CLASRP: variants seen among roughly 807,000 people sequenced by gnomAD.
CLASRP encodes CLK4 associating serine/arginine rich protein, also known as CLK4-associating serine/arginine rich protein.
In CLASRP, 52 loss-of-function variants were observed where a neutral mutation model predicts 99.9. That is an observed-to-expected ratio of 0.52 (90% CI 0.42 to 0.66). CLASRP has a LOEUF of 0.66. CLASRP is among the 30% of genes least tolerant of loss of function. The probability of loss-of-function intolerance (pLI) is 0.00; values close to 1 mark genes in which losing one functional copy is unlikely to be tolerated. For missense variants in CLASRP, 848 were observed against 999.2 expected (o/e 0.85, Z 2.04); for synonymous variants, 379 against 373.0 (o/e 1.02, Z -0.18).
intron 6 of CLASRP, among the ~76,000 whole-genome samples, chr19:45,056,812 G>T (rs1375390493): frequency 1.3e-5 from 2 of 152,220 alleles, no homozygotes; most frequent in African/African-American, 4.8e-5. Context: ...TGGCTGTGAG[G>T]CCCTGAGTGG....
chr19:45,064,054 C>T lies in CLASRP; in HGVS notation c.948C>T (p.Arg316=), dbSNP rs754818077. Reference sequence around the variant, plus strand: ...GCTCAGAGTCCCGCTCCCGCTCCCGCTCCCCGACCCCGGGCCGCGAGGAGA... The same window carrying T: ...GCTCAGAGTCCCGCTCCCGCTCCCGTTCCCCGACCCCGGGCCGCGAGGAGA... ...ESSSESRSRS[R]SPTPGREEKI... Residue 316 remains arginine (R), a synonymous_variant, in exon 12 of 21, where the codon CGC becomes CGT. Coordinates refer to ENST00000221455, the MANE Select transcript of CLASRP (RefSeq NM_007056.3). The T allele has an allele frequency of 6.2e-6, 10 of 1,612,558 alleles. 1 individual carries two copies. In the South Asian group the frequency reaches 9.9e-5, roughly 16 times the overall value.
At chr19:45,050,871 C>T (rs893980083) in intron 2 of CLASRP, among the ~76,000 whole-genome samples, 8 of 151,834 alleles carry the variant, frequency 5.3e-5, no homozygotes, top group African/African-American at 1.9e-4. Context: ...CGCCTGCCAC[C>T]ATGGCTGGCT....
Position 45,070,849 on chromosome 19 carries a change from G to C in CLASRP, c.*4G>C. The C allele has an allele frequency of 7.4e-7, 1 of 1,346,662 alleles. No homozygotes were observed. Among genetic ancestry groups the C allele is most frequent in the Non-Finnish European group, 1.0e-6 (1 of 967,034 alleles). 83.4% of individuals were successfully genotyped at this position (1,346,662 alleles called of 1,614,324 possible). Reference sequence around the variant, plus strand: ...AAGCCCCCATTACCGACATTAGGCAGAAGAGTGGGGGGTGGGGAGGACAAG... The same window carrying C: ...AAGCCCCCATTACCGACATTAGGCACAAGAGTGGGGGGTGGGGAGGACAAG... On this transcript the variant is annotated 3_prime_UTR_variant, in exon 21 of 21. Coordinates refer to ENST00000221455, the MANE Select transcript of CLASRP (RefSeq NM_007056.3).
rs527367247 is a variant in CLASRP at position 45,042,511 on chromosome 19, T to TTA, written c.99+2216_99+2217dup. Among the ~76,000 whole-genome samples the TTA allele has an allele frequency of 6.3e-3, 943 of 148,556 alleles. 4 individuals carry two copies. Among genetic ancestry groups the TTA allele is most frequent in the Middle Eastern group, 0.021 (6 of 290 alleles). The stretch of plus-strand genomic sequence containing the variant: ...TGAGACTCCATCTCAAAAAAAAAAT[T>TTA]TATATATATATATATATGTGTGTGT... On this transcript the variant is annotated intron_variant, in intron 2 of 20. Coordinates refer to ENST00000221455, the MANE Select transcript of CLASRP (RefSeq NM_007056.3).
At chr19:45,054,484 C>T (rs1045869508) in intron 5 of CLASRP, among the ~76,000 whole-genome samples, 5 of 152,152 alleles carry the variant, frequency 3.3e-5, no homozygotes, top group Admixed American at 2.0e-4. Flanking sequence ...CTCCTGACCT[C>T]GTGATCCACC....
Position 45,056,493 on chromosome 19 carries a change from G to A in CLASRP, c.423G>A (p.Leu141=). 1.2e-6 allele frequency: 2 copies of A among 1,613,964 alleles called. No homozygotes were observed. The highest frequency in any genetic ancestry group is 1.7e-6 in the Non-Finnish European group (2 of 1,179,994). The change falls in exon 6 of 21, where the codon TTG becomes TTA. Residue 141 remains leucine, a synonymous_variant. Transcript: ENST00000221455. ...QCLYQIYIDE[L]YGGLQRPSED... ...TGTACCAGATCTACATTGATGAGTT[G>A]TACGGAGGCCTCCAGAGACCCAGCG...
rs180968883 is a variant in CLASRP, at chr19:45,051,240, G to A, written c.100-831G>A. On this transcript the variant is annotated intron_variant, in intron 2 of 20. Transcript: ENST00000221455. ...TAAGGGGGCTGATATTTTAGAGAGCGAGGTCTTCGTACTGGCTATGCAGAA... is the reference window on the plus strand; with the variant it reads ...TAAGGGGGCTGATATTTTAGAGAGCAAGGTCTTCGTACTGGCTATGCAGAA... 3.7e-3 allele frequency among the ~76,000 whole-genome samples: 564 copies of A among 152,246 alleles called. 2 individuals carry two copies. The highest frequency in any genetic ancestry group is 0.013 in the African/African-American group (536 of 41,560).
intron 13 of CLASRP, among the ~76,000 whole-genome samples, chr19:45,066,720 G>A (rs1365103727): frequency 6.6e-6 from 1 of 151,332 alleles, no homozygotes; most frequent in Admixed American, 6.6e-5. Flanking sequence ...CTTACCCAGA[G>A]CAATGACAGG....
chr19:45,039,356 CAAA>C (rs1297475418), intron 1 of CLASRP, among the ~76,000 whole-genome samples: 2 of 132,836 alleles, frequency 1.5e-5, no homozygotes, highest in African/African-American at 5.6e-5. Context: ...GCCCCCTTGT[CAAA>C]AAAAAAAACA....
chr19:45,068,914 C>G (rs1001464684), intron 16 of CLASRP, 152 bp from the exon 17 acceptor site: 1 of 718,910 alleles, frequency 1.4e-6, no homozygotes, highest in African/African-American at 1.8e-5. Flanking sequence ...GGCGCGAACC[C>G]GGGGGGCGGA....
intron 2 of CLASRP, among the ~76,000 whole-genome samples, chr19:45,046,760 G>T (rs1212318682): frequency 2.0e-5 from 3 of 152,234 alleles, no homozygotes; most frequent in African/African-American, 7.2e-5. Flanking sequence ...GGGCGCGGTA[G>T]CTCACGCCTG....
At chr19:45,059,173 CG>C in intron 7 of CLASRP, 94 bp from the exon 8 acceptor site, 1 of 980,518 alleles carries the variant, frequency 1.0e-6, no homozygotes. Flanking sequence ...CTCAGTCTGG[CG>C]GGCGCCCCAT....
intron 3 of CLASRP, 114 bp downstream of exon 3, chr19:45,052,282 A>G: frequency 1.2e-6 from 1 of 823,012 alleles, no homozygotes; most frequent in Non-Finnish European, 2.0e-6. Flanking sequence ...TTGGGGACTC[A>G]GAGGCAGGGA....
chr19:45,056,440 T>A lies in CLASRP; in HGVS notation c.380-10T>A. 1 of 1,613,738 alleles carries A rather than the reference T, an allele frequency of 6.2e-7. No individual in the cohort carries two copies. Among genetic ancestry groups the A allele is most frequent in the African/African-American group, 1.3e-5 (1 of 75,030 alleles). ...ACCCACTCTGACCTGGGGTCTCTTG[T>A]TTGCTGCAGTCTCAGAGGAGCAGTG... On this transcript the variant is annotated splice_polypyrimidine_tract_variant and intron_variant, in intron 5 of 20. Coordinates refer to ENST00000221455, the MANE Select transcript of CLASRP (RefSeq NM_007056.3).
At chr19:45,047,477 A>G (rs1971943170) in intron 2 of CLASRP, 1 of 151,556 alleles carries the variant, frequency 6.6e-6, no homozygotes, top group Admixed American at 6.6e-5. Context: ...TCGGCAGCAC[A>G]TATACTAAAA....
At chr19:45,048,023 C>G (rs1261003804) in intron 2 of CLASRP, among the ~76,000 whole-genome samples, 1 of 151,252 alleles carries the variant, frequency 6.6e-6, no homozygotes. Context: ...TGCAGTGAGC[C>G]GAGATCATGC....
rs200818240 is a variant in CLASRP at position 45,057,771 on chromosome 19, C to T, written c.486C>T (p.Ser162=). 3.1e-6 allele frequency: 5 copies of T among 1,614,000 alleles called. No homozygotes were observed. The highest frequency in any genetic ancestry group is 4.2e-6 in the Non-Finnish European group (5 of 1,179,920). The change falls in exon 7 of 21, where the codon TCC becomes TCT. Residue 162 remains serine (S), a synonymous_variant. Transcript: ENST00000221455. ...EKKKLAEKKA[S]IGYTYEDSTV... is the part of the protein sequence containing the mutation. ...TCAGGCTGGCAGAGAAGAAGGCTTCCATCGGTTATACCTACGAGGACAGCA... is the reference window on the plus strand; with the variant it reads ...TCAGGCTGGCAGAGAAGAAGGCTTCTATCGGTTATACCTACGAGGACAGCA...
chr19:45,060,496 CAG>C lies in CLASRP; in HGVS notation c.789+30_789+31del, dbSNP rs772308089. On this transcript the variant is annotated intron_variant, in intron 9 of 20. Coordinates refer to ENST00000221455, the MANE Select transcript of CLASRP (RefSeq NM_007056.3). This position sits in a 1 kb window ranked among gnomAD's most constrained non-coding sequence, Gnocchi z 4.6. ...AGGTCTGGGCTGGAGTGGAAGGGGA[CAG>C]GGGTGTGTCACAGGGAGGGCACCCC... The C allele has an allele frequency of 7.4e-6, 12 of 1,613,382 alleles. No individual in the cohort carries two copies. Among genetic ancestry groups the C allele is most frequent in the Middle Eastern group, 1.6e-4 (1 of 6,078 alleles).
At chr19:45,050,870 C>A (rs928536312) in intron 2 of CLASRP, among the ~76,000 whole-genome samples, 8 of 152,016 alleles carry the variant, frequency 5.3e-5, no homozygotes, top group African/African-American at 1.9e-4. Flanking sequence ...GCGCCTGCCA[C>A]CATGGCTGGC....
Sources: gnomAD v4.1 joint callset for allele counts (sites outside exome capture counted in the v4.1 genomes callset) on GRCh38, gnomAD v4.1.1 for gene constraint, Gnocchi (gnomAD v3.1) non-coding constraint, MANE v1.5 for transcripts, NCBI Gene and HGNC (gene_info 2026-07-23, HGNC 2026-07-21) for gene names.